Variants in DAB1 observed in about 807,000 individuals in gnomAD.
DAB1 encodes the protein DAB adaptor protein 1.
Under a neutral mutation model 64.6 loss-of-function variants are expected in DAB1, and 15 were observed. The ratio of observed to expected loss-of-function variants is 0.23; its 90% CI spans 0.16 to 0.36. The LOEUF is 0.36. Among genes scored for constraint, DAB1 ranks in the 10% least tolerant of loss-of-function variants. The pLI, the probability that DAB1 is intolerant of heterozygous loss-of-function variation, is 1.00. For missense variants in DAB1, 596 were observed against 706.7 expected (o/e 0.84, Z 1.78); for synonymous variants, 235 against 251.9 (o/e 0.93, Z 0.64).
intron 1 of DAB1, among the ~76,000 whole-genome samples, chr1:57,311,827 G>GT (rs1347165759): frequency 7.2e-5 from 11 of 152,110 alleles, no homozygotes; most frequent in African/African-American, 2.7e-4. Context: ...CATCTTTCTT[G>GT]TGACCATAAT....
chr1:58,530,486 G>T, intron 1 of DAB1: 1 of 614,648 alleles, frequency 1.6e-6, no homozygotes, highest in South Asian at 2.4e-5. Flanking sequence ...CTAAAAATTC[G>T]TACCCATATT....
At chr1:58,184,636 T>G (rs1052321974) in intron 4 of DAB1, among the ~76,000 whole-genome samples, 3 of 152,152 alleles carry the variant, frequency 2.0e-5, no homozygotes, top group Non-Finnish European at 4.4e-5. Flanking sequence ...CTGCTTCTCC[T>G]GTCAATTGGC....
At chr1:58,158,032 G>C (rs1157592078) in intron 4 of DAB1, among the ~76,000 whole-genome samples, 1 of 152,118 alleles carries the variant, frequency 6.6e-6, no homozygotes, top group Non-Finnish European at 1.5e-5. Flanking sequence ...AGCCCACAAG[G>C]GGTTAAATGA....
rs114988621 is a variant in DAB1 at position 57,208,907 on chromosome 1, C to T, written c.68-63478G>A. Among the ~76,000 whole-genome samples, 954 of 152,292 alleles carry T rather than the reference C, an allele frequency of 6.3e-3. 11 individuals are homozygous for T. Among genetic ancestry groups the T allele is most frequent in the African/African-American group, 0.022 (912 of 41,538 alleles). On this transcript the variant is annotated intron_variant, in intron 2 of 14. Transcript: ENST00000371236. ...GAAACCTTGAGAATTACAGACAGTG[C>T]GTTCAGGCCAAGACACAAGGAATTT...
intron 12 of DAB1, among the ~76,000 whole-genome samples, chr1:57,014,404 C>T (rs2100321939): frequency 6.6e-6 from 1 of 152,312 alleles, no homozygotes; most frequent in African/African-American, 2.4e-5. Context: ...ATGTTTAAAA[C>T]TTGTTCCCCA....
intron 4 of DAB1, among the ~76,000 whole-genome samples, chr1:58,183,273 G>C (rs760282217): frequency 1.7e-4 from 26 of 151,954 alleles, no homozygotes; most frequent in Non-Finnish European, 3.1e-4. Flanking sequence ...TTTACTTTCT[G>C]ACATGCCTTC....
At chr1:58,053,177 G>C (rs1030924365) in intron 5 of DAB1, among the ~76,000 whole-genome samples, 4 of 152,128 alleles carry the variant, frequency 2.6e-5, no homozygotes, top group African/African-American at 9.7e-5. Flanking sequence ...CACATATTCA[G>C]CTATCTTTAT....
At chr1:58,469,267 A>G (rs989446126) in intron 3 of DAB1, among the ~76,000 whole-genome samples, 4 of 152,234 alleles carry the variant, frequency 2.6e-5, no homozygotes, top group East Asian at 1.9e-4. Flanking sequence ...ATAACATTGT[A>G]TAAGTCTTTC....
At chr1:58,232,496 C>CACACACAG (rs938605837) in intron 4 of DAB1, among the ~76,000 whole-genome samples, 6 of 147,702 alleles carry the variant, frequency 4.1e-5, no homozygotes, top group African/African-American at 1.6e-4. Context: ...CACACACACA[C>CACACACAG]ACACACACAC....
intron 1 of DAB1, among the ~76,000 whole-genome samples, chr1:57,827,124 G>A (rs1217429756): frequency 1.3e-5 from 2 of 152,124 alleles, no homozygotes; most frequent in Non-Finnish European, 2.9e-5. Flanking sequence ...GTTACTGGGA[G>A]AAAAATTAAT....
At chr1:58,539,122 C>T (rs372082190) in intron 1 of DAB1, 7 of 872,850 alleles carry the variant, frequency 8.0e-6, no homozygotes, top group Non-Finnish European at 1.4e-5. Flanking sequence ...CCACCTGTCA[C>T]ACTGATTTAC....
At chr1:57,581,237 G>A (rs925593532) in intron 7 of DAB1, among the ~76,000 whole-genome samples, 1 of 152,170 alleles carries the variant, frequency 6.6e-6, no homozygotes, top group African/African-American at 2.4e-5. Flanking sequence ...AAGGGAATAA[G>A]AAAGACATTA....
chr1:57,384,222 T>C (rs1433954661), intron 1 of DAB1, among the ~76,000 whole-genome samples: 1 of 152,136 alleles, frequency 6.6e-6, no homozygotes, highest in Non-Finnish European at 1.5e-5. Context: ...GGATGGCTGC[T>C]ATAAAAACAA....
intron 4 of DAB1, among the ~76,000 whole-genome samples, chr1:57,078,609 T>C (rs1652202884): frequency 6.6e-6 from 1 of 152,170 alleles, no homozygotes; most frequent in Non-Finnish European, 1.5e-5. Flanking sequence ...AGTATGATAA[T>C]AGTATCTCTC....
chr1:57,247,758 C>T lies in DAB1; in HGVS notation c.67+43206G>A, dbSNP rs113255613. ...ATATAAGTAGAAGTGATGAGTGTAA[C>T]TTTTAGGCTTGGCCCATAAAGACCA... On this transcript the variant is annotated intron_variant, in intron 2 of 14. Transcript: ENST00000371236. 6.0e-3 allele frequency among the ~76,000 whole-genome samples: 907 copies of T among 152,254 alleles called. 17 individuals carry two copies. The highest frequency in any genetic ancestry group is 0.021 in the African/African-American group (865 of 41,552).
At chr1:58,507,079 A>G (rs763098367) in intron 2 of DAB1, among the ~76,000 whole-genome samples, 1 of 151,982 alleles carries the variant, frequency 6.6e-6, no homozygotes, top group African/African-American at 2.4e-5. Context: ...AGGGAGCAAC[A>G]CTTTTATTTC....
intron 1 of DAB1, among the ~76,000 whole-genome samples, chr1:57,351,635 T>TTG (rs1045732712): frequency 1.3e-5 from 2 of 151,172 alleles, no homozygotes; most frequent in African/African-American, 2.4e-5. Context: ...ACACATAGGG[T>TTG]TGTGTGTGTG....
upstream of DAB1, among the ~76,000 whole-genome samples, chr1:57,887,171 T>C (rs530640984): frequency 1.3e-5 from 2 of 152,308 alleles, no homozygotes; most frequent in South Asian, 4.1e-4. Flanking sequence ...TAGTTTTCTT[T>C]CCAGGAATAG....
chr1:57,651,998 T>C (rs1347856535), intron 6 of DAB1, among the ~76,000 whole-genome samples: 1 of 152,126 alleles, frequency 6.6e-6, no homozygotes. Context: ...AATTTATAGT[T>C]TAAATGATAA....
Sources: gnomAD v4.1 joint callset for allele counts (sites outside exome capture counted in the v4.1 genomes callset) on GRCh38, gnomAD v4.1.1 for gene constraint, MANE v1.5 for transcripts, NCBI Gene and HGNC (gene_info 2026-07-23, HGNC 2026-07-21) for gene names.